TOPAZ1: variants seen among roughly 807,000 people sequenced by gnomAD.
The protein encoded by TOPAZ1 is protein TOPAZ1.
Under a neutral mutation model 172.2 loss-of-function variants are expected in TOPAZ1, and 66 were observed. The observed-to-expected ratio is 0.38, with a 90% CI of 0.31 to 0.47. TOPAZ1 has a LOEUF of 0.47. TOPAZ1 is among the 20% of genes least tolerant of loss of function. The pLI, the probability that TOPAZ1 is intolerant of heterozygous loss-of-function variation, is 0.99. For missense variants in TOPAZ1, 1,822 were observed against 1,972.4 expected, an observed-to-expected ratio of 0.92 and a Z score of 1.44; for synonymous variants, 681 against 683.9, an observed-to-expected ratio of 1.00 and a Z score of 0.07.
chr3:44,255,380 C>T (rs541518771), intron 3 of TOPAZ1, among the ~76,000 whole-genome samples: 2 of 152,016 alleles, frequency 1.3e-5, no homozygotes, highest in South Asian at 2.1e-4. Flanking sequence ...TGGCTAGGGG[C>T]GGTGGCTCAT....
chr3:44,335,930 T>C (rs965230659), downstream of TOPAZ1, among the ~76,000 whole-genome samples: 1 of 152,218 alleles, frequency 6.6e-6, no homozygotes, highest in African/African-American at 2.4e-5. Flanking sequence ...AGCTGTTGTT[T>C]AGTTACCACA....
At chr3:44,300,459 CAT>C (rs1700259394) in intron 12 of TOPAZ1, among the ~76,000 whole-genome samples, 1 of 151,830 alleles carries the variant, frequency 6.6e-6, no homozygotes. Context: ...GGGCTAAAGA[CAT>C]AAACATGTTT....
rs557998380 is a variant in TOPAZ1, at chr3:44,299,472, G to A, written c.3798-4543G>A. Among the ~76,000 whole-genome samples, 11 of 151,866 alleles carry A rather than the reference G, an allele frequency of 7.2e-5. No homozygotes were observed. The South Asian group carries it at 2.3e-3, about 32-fold the overall frequency. ...AAACAACAGGTGCTGGAGAGGATGT[G>A]GAGAAATAGGAACACTTTTACACTG... On this transcript the variant is annotated intron_variant, in intron 12 of 19. Transcript: ENST00000309765.
chr3:44,296,699 A>C (rs1382586551), intron 12 of TOPAZ1, among the ~76,000 whole-genome samples: 1 of 152,130 alleles, frequency 6.6e-6, no homozygotes, highest in Non-Finnish European at 1.5e-5. Context: ...TTCAAGGGCC[A>C]GATAGTTTCA....
chr3:44,255,670 TACACACACACACAC>T (rs71085609), intron 3 of TOPAZ1, among the ~76,000 whole-genome samples: 510 of 46,366 alleles, frequency 0.011, 8 homozygotes, highest in African/African-American at 0.031. Flanking sequence ...AAAATATATA[TACACACACACACAC>T]ACACACACAC....
At chr3:44,335,072 T>C (rs1449673030), downstream of TOPAZ1, among the ~76,000 whole-genome samples, 3 of 152,088 alleles carry the variant, frequency 2.0e-5, no homozygotes, top group African/African-American at 7.2e-5. Context: ...AATGGGATTC[T>C]AGATTGGAAG....
intron 8 of TOPAZ1, among the ~76,000 whole-genome samples, chr3:44,279,384 T>C (rs1474060025): frequency 1.3e-5 from 2 of 152,204 alleles, no homozygotes; most frequent in Admixed American, 1.3e-4. Context: ...ATTTTCTGTC[T>C]AGATGTTCTG....
chr3:44,309,775 G>A, intron 15 of TOPAZ1, 50 bp from the exon 16 acceptor site: 1 of 1,267,740 alleles, frequency 7.9e-7, no homozygotes, highest in Admixed American at 2.7e-5. Flanking sequence ...GTGGCTTTGT[G>A]TGTTTGTAAA....
intron 5 of TOPAZ1, among the ~76,000 whole-genome samples, chr3:44,265,235 A>T (rs557447934): frequency 6.6e-6 from 1 of 152,350 alleles, no homozygotes; most frequent in African/African-American, 2.4e-5. Context: ...TGATTCATAG[A>T]TTGCAGAATA....
At chr3:44,332,164 T>A (rs1700678706), downstream of TOPAZ1, 1 of 582,184 alleles carries the variant, frequency 1.7e-6, no homozygotes, top group South Asian at 2.5e-5. Context: ...TTTTTATTGA[T>A]ATGTAATTTT....
chr3:44,308,816 A>G (rs1359073151), intron 15 of TOPAZ1, among the ~76,000 whole-genome samples: 1 of 152,186 alleles, frequency 6.6e-6, no homozygotes, highest in African/African-American at 2.4e-5. Flanking sequence ...TTGAATGTAA[A>G]AATAAAATCA....
intron 12 of TOPAZ1, among the ~76,000 whole-genome samples, chr3:44,302,025 G>A (rs1422417961): frequency 6.6e-6 from 1 of 152,102 alleles, no homozygotes; most frequent in Non-Finnish European, 1.5e-5. Flanking sequence ...TTTAATCTAC[G>A]TGGAGTTTTT....
At chr3:44,333,459 G>A (rs1389627315), downstream of TOPAZ1, among the ~76,000 whole-genome samples, 1 of 152,290 alleles carries the variant, frequency 6.6e-6, no homozygotes, top group South Asian at 2.1e-4. Flanking sequence ...GTGGGCATTT[G>A]TAAATTAGTC....
At chr3:44,281,339 A>G (rs1329978938) in intron 8 of TOPAZ1, among the ~76,000 whole-genome samples, 1 of 152,176 alleles carries the variant, frequency 6.6e-6, no homozygotes, top group Non-Finnish European at 1.5e-5. Context: ...CTGCAATGCT[A>G]TGGTAGTCAG....
intron 3 of TOPAZ1, among the ~76,000 whole-genome samples, chr3:44,255,661 AAAT>A (rs1288890850): frequency 1.3e-5 from 1 of 76,150 alleles, no homozygotes; most frequent in Non-Finnish European, 2.4e-5. Flanking sequence ...CAAAAAAAAA[AAAT>A]ATATATACAC....
At chr3:44,334,173 A>G (rs1700700464), downstream of TOPAZ1, among the ~76,000 whole-genome samples, 2 of 152,176 alleles carry the variant, frequency 1.3e-5, no homozygotes, top group African/African-American at 4.8e-5. Context: ...TTCCTCAGGT[A>G]AGGAGTTTTG....
intron 6 of TOPAZ1, among the ~76,000 whole-genome samples, chr3:44,268,935 A>G (rs1699862894): frequency 6.6e-6 from 1 of 152,190 alleles, no homozygotes; most frequent in South Asian, 2.1e-4. Flanking sequence ...TATCATTTGA[A>G]TACAGTGCCC....
intron 17 of TOPAZ1, among the ~76,000 whole-genome samples, chr3:44,322,752 C>A (rs1700555614): frequency 6.6e-6 from 1 of 151,854 alleles, no homozygotes; most frequent in African/African-American, 2.4e-5. Context: ...TGAAACCCTG[C>A]CTCTGCAAAA....
intron 12 of TOPAZ1, among the ~76,000 whole-genome samples, chr3:44,296,052 C>A (rs977355741): frequency 6.6e-6 from 1 of 152,002 alleles, no homozygotes; most frequent in African/African-American, 2.4e-5. Flanking sequence ...AACTGGAAAT[C>A]AACAATGGAG....
Sources: allele counts gnomAD v4.1 joint callset (sites outside exome capture counted in the v4.1 genomes callset), GRCh38; gene constraint gnomAD v4.1.1; transcripts MANE v1.5; gene names NCBI Gene and HGNC (gene_info 2026-07-23, HGNC 2026-07-21).